Variants in FHOD3 observed in about 807,000 individuals in gnomAD.
The protein encoded by FHOD3 is FH1/FH2 domain-containing protein 3.
In FHOD3, 90 loss-of-function variants were observed where a neutral mutation model predicts 173.0. The ratio of observed to expected loss-of-function variants is 0.52; its 90% CI spans 0.44 to 0.62. The LOEUF is 0.62. FHOD3 is among the 20% of genes least tolerant of loss of function. The pLI is 0.00. For missense variants in FHOD3, 1,945 were observed against 2,034.7 expected, an observed-to-expected ratio of 0.96 and a Z score of 0.85; for synonymous variants, 828 against 823.0, an observed-to-expected ratio of 1.01 and a Z score of -0.10.
intron 22 of FHOD3, 52 bp from the exon 23 acceptor site, chr18:36,743,979 TA>T: frequency 6.2e-7 from 1 of 1,600,128 alleles, no homozygotes; most frequent in Non-Finnish European, 8.6e-7. Flanking sequence ...CATCCTGTGC[TA>T]TTCTCTAAGA....
intron 3 of FHOD3, among the ~76,000 whole-genome samples, chr18:36,469,838 G>A (rs555315736): frequency 1.3e-5 from 2 of 152,102 alleles, no homozygotes; most frequent in Non-Finnish European, 2.9e-5. Context: ...CGGGGTCTGC[G>A]GGGGAAGCTC....
intron 1 of FHOD3, among the ~76,000 whole-genome samples, chr18:36,339,612 C>T (rs956497520): frequency 6.6e-6 from 1 of 152,194 alleles, no homozygotes; most frequent in Non-Finnish European, 1.5e-5. Context: ...GCCCACTCCT[C>T]ACCCCGCCCA....
rs2054818572 is a variant in FHOD3 at position 36,497,712 on chromosome 18, A to G, written c.338-4220A>G. 2.0e-5 allele frequency among the ~76,000 whole-genome samples: 3 copies of G among 152,322 alleles called. No homozygotes were observed. The South Asian group carries it at 6.2e-4, about 32-fold the overall frequency. On this transcript the variant is annotated intron_variant, in intron 3 of 28. Coordinates refer to ENST00000590592, the MANE Select transcript of FHOD3 (RefSeq NM_001281740.3). ...GAACTTCAAAGCACCTAAAGCAGGA[A>G]CTCATAAAGATGAAAGAAGAAATAC...
chr18:36,500,957 A>T (rs36056744), intron 3 of FHOD3, among the ~76,000 whole-genome samples: 72,317 of 151,960 alleles, frequency 0.48, 17,551 homozygotes, highest in South Asian at 0.61. Flanking sequence ...GGTGTCCTGC[A>T]TAACCAGAAC....
rs546353173 is a variant in FHOD3, at chr18:36,699,330, G to A, written c.2236+5907G>A. On this transcript the variant is annotated intron_variant, in intron 17 of 28. Transcript: ENST00000590592. ...AGTGCCTCAGGAGCTACAAGACCTC[G>A]CCTGGAGCAGGCACTTGGGATGAAC... Among the ~76,000 whole-genome samples the A allele has an allele frequency of 5.3e-5, 8 of 152,320 alleles. No individual in the cohort carries two copies. The South Asian group carries it at 1.7e-3, about 32-fold the overall frequency.
intron 4 of FHOD3, among the ~76,000 whole-genome samples, chr18:36,510,107 A>G (rs2146273489): frequency 6.6e-6 from 1 of 152,262 alleles, no homozygotes; most frequent in South Asian, 2.1e-4. Context: ...TCCAAACTAA[A>G]TTGTAAGTGT....
chr18:36,565,172 T>C (rs903550215), intron 5 of FHOD3, among the ~76,000 whole-genome samples: 1 of 152,136 alleles, frequency 6.6e-6, no homozygotes, highest in Non-Finnish European at 1.5e-5. Flanking sequence ...GTCAACAATA[T>C]CAACCTCTTT....
intron 3 of FHOD3, among the ~76,000 whole-genome samples, chr18:36,397,002 T>C (rs912164587): frequency 6.6e-6 from 1 of 152,216 alleles, no homozygotes; most frequent in Non-Finnish European, 1.5e-5. Flanking sequence ...TTCTTTCCTT[T>C]ATATTACTGC....
chr18:36,643,143 G>A (rs2035451912), intron 10 of FHOD3, among the ~76,000 whole-genome samples: 1 of 151,958 alleles, frequency 6.6e-6, no homozygotes, highest in Non-Finnish European at 1.5e-5. Flanking sequence ...TCCCTTCAGA[G>A]GGCATTTGGG....
At chr18:36,307,224 A>G (rs2092125077) in intron 1 of FHOD3, among the ~76,000 whole-genome samples, 1 of 151,890 alleles carries the variant, frequency 6.6e-6, no homozygotes, top group African/African-American at 2.4e-5. Flanking sequence ...AGCCTCCCAA[A>G]GTGCTGGGAT....
intron 1 of FHOD3, among the ~76,000 whole-genome samples, chr18:36,307,747 A>G (rs1489342032): frequency 2.0e-5 from 3 of 152,226 alleles, no homozygotes; most frequent in African/African-American, 7.2e-5. Flanking sequence ...AGGAAAGACT[A>G]ACAAACAAGG....
chr18:36,635,591 G>A (rs1396202083), intron 10 of FHOD3, among the ~76,000 whole-genome samples: 3 of 152,206 alleles, frequency 2.0e-5, no homozygotes, highest in Non-Finnish European at 4.4e-5. Flanking sequence ...GCTGTGGTTT[G>A]TAGGACAATG....
chr18:36,514,787 C>T (rs957298388), intron 5 of FHOD3, among the ~76,000 whole-genome samples: 1 of 152,218 alleles, frequency 6.6e-6, no homozygotes, highest in Admixed American at 6.5e-5. Context: ...GCGAGGGGCA[C>T]AACTCTGCCC....
At chr18:36,605,691 T>C (rs2031987848) in intron 8 of FHOD3, among the ~76,000 whole-genome samples, 2 of 152,278 alleles carry the variant, frequency 1.3e-5, no homozygotes, top group South Asian at 4.2e-4. Flanking sequence ...AAACAAGTCA[T>C]GCCGGGTTTG....
At chr18:36,560,720 C>A (rs1394911841) in intron 5 of FHOD3, among the ~76,000 whole-genome samples, 3 of 152,102 alleles carry the variant, frequency 2.0e-5, no homozygotes, top group African/African-American at 7.2e-5. Flanking sequence ...TCATAGATCG[C>A]CACAGTTTGG....
At chr18:36,752,018 A>G (rs1202467450) in intron 24 of FHOD3, among the ~76,000 whole-genome samples, 3 of 152,232 alleles carry the variant, frequency 2.0e-5, no homozygotes, top group Non-Finnish European at 1.5e-5. Flanking sequence ...CAGGAAACTT[A>G]CAATCACAGT....
At chr18:36,436,354 G>A (rs2050810608) in intron 3 of FHOD3, among the ~76,000 whole-genome samples, 1 of 151,938 alleles carries the variant, frequency 6.6e-6, no homozygotes, top group Admixed American at 6.6e-5. Flanking sequence ...ATATTTATTG[G>A]GATTGCAGTG....
chr18:36,468,324 C>T (rs7230381), intron 3 of FHOD3, among the ~76,000 whole-genome samples: 4,151 of 152,222 alleles, frequency 0.027, 187 homozygotes, highest in African/African-American at 0.095. Context: ...AAAAATGTGG[C>T]ACTAAGAATA....
At chr18:36,298,048 C>T (rs755275619) in intron 1 of FHOD3, 48 bp downstream of exon 1, 6 of 1,405,186 alleles carry the variant, frequency 4.3e-6, no homozygotes, top group South Asian at 3.1e-5. Context: ...AGCCCCCTGC[C>T]GCGGTGCGCG....
Sources: gnomAD v4.1 joint callset for allele counts (sites outside exome capture counted in the v4.1 genomes callset) on GRCh38, gnomAD v4.1.1 for gene constraint, MANE v1.5 for transcripts, NCBI Gene and HGNC (gene_info 2026-07-23, HGNC 2026-07-21) for gene names.